The following PDE6C variants were observed in gnomAD, a reference collection of about 807,000 sequenced individuals.
PDE6C encodes cone cGMP-specific 3',5'-cyclic phosphodiesterase subunit alpha'.
PDE6C carries 75 observed loss-of-function variants against 113.1 expected under a neutral mutation model. The ratio of observed to expected loss-of-function variants is 0.66; its 90% CI spans 0.55 to 0.80. The LOEUF is 0.80. Among genes scored for constraint, PDE6C ranks in the 30% least tolerant of loss-of-function variants. PDE6C has a pLI of 0.00. For synonymous variants in PDE6C, 375 were observed against 363.7 expected, an observed-to-expected ratio of 1.03 and a Z score of -0.35; for missense variants, 912 against 1,038.6, an observed-to-expected ratio of 0.88 and a Z score of 1.67.
intron 21 of PDE6C, 66 bp downstream of exon 21, chr10:93,663,244 T>G (rs1589707402): frequency 6.7e-7 from 1 of 1,488,666 alleles, no homozygotes; most frequent in East Asian, 2.3e-5. Flanking sequence ...TAATGGCATG[T>G]GACAAAGCCA....
rs1297436795 is a variant in PDE6C, at chr10:93,654,579, T to C, written c.1936-1181T>C. Among the ~76,000 whole-genome samples the C allele has an allele frequency of 2.6e-5, 4 of 152,336 alleles. No homozygotes were observed. The South Asian group carries it at 8.3e-4, about 32-fold the overall frequency. On this transcript the variant is annotated intron_variant, in intron 15 of 21. Transcript: ENST00000371447. ...TGGCATTATGCTACTTCTCTCTTTA[T>C]ATAGTTTGATAGACTATCTCCTCTT...
intron 12 of PDE6C, 66 bp downstream of exon 12, chr10:93,640,282 G>T: frequency 6.7e-7 from 1 of 1,486,292 alleles, no homozygotes; most frequent in Non-Finnish European, 9.4e-7. Flanking sequence ...TGTTTTCTGT[G>T]GTTCAAAAGA....
intron 4 of PDE6C, among the ~76,000 whole-genome samples, chr10:93,622,625 C>T (rs1193890591): frequency 6.8e-6 from 1 of 147,718 alleles, no homozygotes; most frequent in Non-Finnish European, 1.5e-5. Context: ...CTTCCAAACT[C>T]CTGGTAGCCA....
At chr10:93,635,750 T>TGA (rs745901100) in intron 10 of PDE6C, 110 bp downstream of exon 10, 66 of 1,149,084 alleles carry the variant, frequency 5.7e-5, no homozygotes, top group South Asian at 2.0e-4. Flanking sequence ...ACTCCTGGGC[T>TGA]GAGAGAGAGA....
intron 7 of PDE6C, 21 bp downstream of exon 7, chr10:93,626,892 A>G (rs759574869): frequency 1.3e-6 from 2 of 1,585,728 alleles, no homozygotes; most frequent in Non-Finnish European, 8.6e-7. Flanking sequence ...GAACAAATTC[A>G]AATTTTAAAT....
At chr10:93,613,757 A>G (rs1589691123) in intron 1 of PDE6C, among the ~76,000 whole-genome samples, 1 of 152,230 alleles carries the variant, frequency 6.6e-6, no homozygotes, top group Non-Finnish European at 1.5e-5. Context: ...GAAAGTTCAG[A>G]TGTTCAAATT....
At chr10:93,626,905 T>C in intron 7 of PDE6C, 34 bp downstream of exon 7, 1 of 1,542,912 alleles carries the variant, frequency 6.5e-7, no homozygotes, top group Non-Finnish European at 8.9e-7. Context: ...TTTTAAATAA[T>C]ATTGCAAGAA....
At chr10:93,652,891 C>A (rs1450607940) in intron 15 of PDE6C, among the ~76,000 whole-genome samples, 2 of 152,152 alleles carry the variant, frequency 1.3e-5, no homozygotes, top group Non-Finnish European at 2.9e-5. Context: ...GGAATTATTT[C>A]TCTGAATTCA....
At chr10:93,614,326 A>G (rs2058409624) in intron 1 of PDE6C, among the ~76,000 whole-genome samples, 1 of 151,988 alleles carries the variant, frequency 6.6e-6, no homozygotes, top group Non-Finnish European at 1.5e-5. Context: ...AACACGAGTG[A>G]CTCTCTGCAA....
intron 8 of PDE6C, among the ~76,000 whole-genome samples, chr10:93,631,645 C>T (rs2058502309): frequency 2.0e-5 from 3 of 152,238 alleles, no homozygotes; most frequent in Non-Finnish European, 4.4e-5. Flanking sequence ...GCACAGCGGA[C>T]TAGGACGGGT....
At chr10:93,622,653 TTTTTTTTTGTTG>T (rs748107285) in intron 4 of PDE6C, among the ~76,000 whole-genome samples, 19,882 of 107,996 alleles carry the variant, frequency 0.18, 1,885 homozygotes, top group East Asian at 0.25. Context: ...TTTTTTTGTT[TTTTTTTTTGTTG>T]TTTTTTTTTT....
At chr10:93,624,436 C>T (rs2058462672) in intron 4 of PDE6C, among the ~76,000 whole-genome samples, 1 of 152,106 alleles carries the variant, frequency 6.6e-6, no homozygotes, top group South Asian at 2.1e-4. Context: ...CAGGATTTCG[C>T]CACGTTGGCC....
rs1383283607 is a variant in PDE6C, at chr10:93,641,045, T to C, written c.1847+16T>C. 1.4e-6 allele frequency: 2 copies of C among 1,418,220 alleles called. No individual in the cohort carries two copies. Among genetic ancestry groups the C allele is most frequent in the Non-Finnish European group, 2.0e-6 (2 of 1,001,458 alleles). The allele number at this position is 1,418,220 out of a possible 1,614,324, so 87.9% of individuals were successfully genotyped here. ...ACCAGATGAAGTAAGTGAACACATG[T>C]CCAATGTTGACACGTATTGGTGGAC... On this transcript the variant is annotated intron_variant, in intron 14 of 21. Coordinates refer to ENST00000371447, the MANE Select transcript of PDE6C (RefSeq NM_006204.4).
At chr10:93,663,430 T>G (rs2058675842) in intron 21 of PDE6C, among the ~76,000 whole-genome samples, 1 of 152,198 alleles carries the variant, frequency 6.6e-6, no homozygotes, top group South Asian at 2.1e-4. Context: ...CTTCTTCATC[T>G]TGCTAGAAGG....
rs116390299 is a variant in PDE6C, at chr10:93,662,874, G to A, written c.2368-154G>A. Reference sequence around the variant, plus strand: ...CTTAGGCAGGCAGTAAAGACAGCACGTGTCTCTTTCCCAAACTTCATAGGC... The same window carrying A: ...CTTAGGCAGGCAGTAAAGACAGCACATGTCTCTTTCCCAAACTTCATAGGC... On this transcript the variant is annotated intron_variant, in intron 20 of 21. Coordinates refer to ENST00000371447, the MANE Select transcript of PDE6C (RefSeq NM_006204.4). Among the ~76,000 whole-genome samples the A allele has an allele frequency of 4.7e-3, 715 of 152,240 alleles. 3 individuals are homozygous for A. Among genetic ancestry groups the A allele is most frequent in the African/African-American group, 0.016 (665 of 41,532 alleles).
At chr10:93,637,513 T>C (rs770251659) in intron 11 of PDE6C, among the ~76,000 whole-genome samples, 21 of 152,180 alleles carry the variant, frequency 1.4e-4, no homozygotes, top group Non-Finnish European at 3.1e-4. Flanking sequence ...CAGTAGGCCA[T>C]CCCTATTATT....
At chr10:93,624,120 A>G (rs1035272532) in intron 4 of PDE6C, among the ~76,000 whole-genome samples, 4 of 152,186 alleles carry the variant, frequency 2.6e-5, no homozygotes, top group African/African-American at 9.6e-5. Context: ...ATTTAATTAA[A>G]GTAGAAATAT....
intron 1 of PDE6C, among the ~76,000 whole-genome samples, chr10:93,618,129 A>G (rs2058428706): frequency 6.6e-6 from 1 of 152,152 alleles, no homozygotes; most frequent in Non-Finnish European, 1.5e-5. Context: ...ACATCCAGCT[A>G]TGGGCATCTG....
intron 11 of PDE6C, 96 bp from the exon 12 acceptor site, chr10:93,639,959 ACACATTGTGTTCTTT>A: frequency 9.0e-7 from 1 of 1,105,284 alleles, no homozygotes; most frequent in Non-Finnish European, 1.4e-6. Context: ...TCAGTGAATC[ACACATTGTGTTCTTT>A]TATTGTAATT....
Sources: allele counts gnomAD v4.1 joint callset (sites outside exome capture counted in the v4.1 genomes callset), GRCh38; gene constraint gnomAD v4.1.1; transcripts MANE v1.5; gene names NCBI Gene and HGNC (gene_info 2026-07-23, HGNC 2026-07-21).